The following ANKRD30A variants were observed in gnomAD, a reference collection of about 807,000 sequenced individuals.
The protein encoded by ANKRD30A is ankyrin repeat domain 30A.
In ANKRD30A, 170 loss-of-function variants were observed where a neutral mutation model predicts 166.3. The ratio of observed to expected loss-of-function variants is 1.02; its 90% CI spans 0.90 to 1.16. The LOEUF (loss-of-function observed/expected upper bound fraction) is 1.16. Among genes scored for constraint, ANKRD30A ranks in the 50% most tolerant of loss-of-function variants. The pLI is 0.00. For missense variants in ANKRD30A, 1,630 were observed against 1,518.0 expected, an observed-to-expected ratio of 1.07 and a Z score of -1.23; for synonymous variants, 564 against 508.9, an observed-to-expected ratio of 1.11 and a Z score of -1.46.
chr10:37,136,569 TA>T (rs977645143), intron 5 of ANKRD30A, 37 bp from the exon 6 acceptor site: 2 of 1,007,910 alleles, frequency 2.0e-6, no homozygotes, highest in African/African-American at 3.3e-5. Flanking sequence ...AAGTCAGTGT[TA>T]AAATGGTAAT....
chr10:37,229,608 G>A (rs1198935968), intron 34 of ANKRD30A, among the ~76,000 whole-genome samples: 1 of 151,780 alleles, frequency 6.6e-6, no homozygotes, highest in Non-Finnish European at 1.5e-5. Flanking sequence ...CTCCTATCTA[G>A]TTATTAGCTA....
Position 37,149,862 on chromosome 10 carries a change from A to G in ANKRD30A, c.1645+13A>G, listed in dbSNP as rs1837788043. On this transcript the variant is annotated intron_variant, in intron 11 of 35. Coordinates refer to ENST00000361713, the MANE Select transcript of ANKRD30A (RefSeq NM_052997.3). ...ACATTGAGAGCAGGTAAATTTTTCA[A>G]TTTAACTATGCAAAGACGAATATTT... 2 of 1,612,258 alleles carry G rather than the reference A, an allele frequency of 1.2e-6. No homozygotes were observed. The highest frequency in any genetic ancestry group is 1.1e-5 in the South Asian group (1 of 90,970).
In ANKRD30A at chr10:37,165,004, A is replaced by G. The variant is rs139365145; in HGVS notation, c.2003-90A>G. 7.8e-3 allele frequency: 10,518 copies of G among 1,349,666 alleles called. 67 individuals are homozygous for G. Among genetic ancestry groups the G allele is most frequent in the Middle Eastern group, 0.011 (57 of 5,352 alleles). The allele number at this position is 1,349,666 out of a possible 1,614,324, so 83.6% of individuals were successfully genotyped here. A position where few individuals can be genotyped will look rare whatever the true frequency, so the allele number is the denominator to read the frequency against. On this transcript the variant is annotated intron_variant, in intron 17 of 35. Coordinates refer to ENST00000361713, the MANE Select transcript of ANKRD30A (RefSeq NM_052997.3). ...ATGGGCCACAGAGGAAAATCCACAG[A>G]TTCGTGAATGAAAGTAGATTTGTAT...
intron 6 of ANKRD30A, among the ~76,000 whole-genome samples, chr10:37,140,889 A>G (rs1292589733): frequency 6.6e-6 from 1 of 152,164 alleles, no homozygotes; most frequent in Non-Finnish European, 1.5e-5. Flanking sequence ...TAGAATACAT[A>G]TAGTTTGGGT....
chr10:37,162,121 A>C (rs956463589), intron 15 of ANKRD30A, among the ~76,000 whole-genome samples: 13 of 152,300 alleles, frequency 8.5e-5, no homozygotes, highest in African/African-American at 3.1e-4. Flanking sequence ...ATATAGGCAT[A>C]TGATTACACC....
intron 35 of ANKRD30A, 75 bp from the exon 36 acceptor site, chr10:37,232,424 C>CTT (rs1843453133): frequency 6.6e-6 from 1 of 150,878 alleles, no homozygotes; most frequent in African/African-American, 2.4e-5. Context: ...TTATTGATGA[C>CTT]TAATACGGCG....
chr10:37,167,139 A>G (rs1181905641), intron 19 of ANKRD30A, among the ~76,000 whole-genome samples: 2 of 151,804 alleles, frequency 1.3e-5, no homozygotes, highest in Non-Finnish European at 2.9e-5. Context: ...AGGAAAATGG[A>G]GTGAGCTCAC....
At chr10:37,202,785 A>G (rs1184507411) in intron 31 of ANKRD30A, among the ~76,000 whole-genome samples, 1 of 152,192 alleles carries the variant, frequency 6.6e-6, no homozygotes, top group East Asian at 1.9e-4. Flanking sequence ...AATAGACACA[A>G]TAAAAAATGA....
At chr10:37,128,024 T>C (rs1836156750) in intron 1 of ANKRD30A, among the ~76,000 whole-genome samples, 1 of 152,044 alleles carries the variant, frequency 6.6e-6, no homozygotes, top group Non-Finnish European at 1.5e-5. Flanking sequence ...TTCAGTGAGT[T>C]TACAGCATGG....
the ANKRD30A span, among the ~76,000 whole-genome samples, chr10:37,244,338 GTAGACACATCAGTTAATCTCA>G: frequency 6.6e-6 from 1 of 152,236 alleles, no homozygotes; most frequent in East Asian, 1.9e-4. Context: ...CTGGCACCAC[GTAGACACATCAGTTAATCTCA>G]TGTACAGAAC....
intron 6 of ANKRD30A, among the ~76,000 whole-genome samples, chr10:37,137,115 A>T (rs1477558124): frequency 6.6e-6 from 1 of 151,964 alleles, no homozygotes; most frequent in Non-Finnish European, 1.5e-5. Flanking sequence ...TGATCAGGTT[A>T]TCCAATTTAA....
At chr10:37,221,654 T>A (rs2132749709) in intron 34 of ANKRD30A, among the ~76,000 whole-genome samples, 1 of 151,502 alleles carries the variant, frequency 6.6e-6, no homozygotes, top group African/African-American at 2.4e-5. Flanking sequence ...CATTCTGTAA[T>A]GTTTTTCTTA....
At chr10:37,208,308 G>A (rs1312241695) in intron 31 of ANKRD30A, among the ~76,000 whole-genome samples, 1 of 152,164 alleles carries the variant, frequency 6.6e-6, no homozygotes, top group African/African-American at 2.4e-5. Context: ...GCTTGTCAGT[G>A]TAGTTTTGCT....
Position 37,163,912 on chromosome 10 carries a change from T to G in ANKRD30A, c.2002+1064T>G, listed in dbSNP as rs1441209510. Among the ~76,000 whole-genome samples, 4 of 122,578 alleles carry G rather than the reference T, an allele frequency of 3.3e-5. 1 individual carries two copies. Among genetic ancestry groups the G allele is most frequent in the African/African-American group, 1.2e-4 (4 of 32,866 alleles). 80.4% of individuals were successfully genotyped at this position (122,578 alleles called of 152,430 possible). On this transcript the variant is annotated intron_variant, in intron 17 of 35. Coordinates refer to ENST00000361713, the MANE Select transcript of ANKRD30A (RefSeq NM_052997.3). Reference sequence around the variant, plus strand: ...GTAACATATTTAAAGTATTTCCTTGTGCAATCATAGACTCCACTAAGAATT... The same window carrying G: ...GTAACATATTTAAAGTATTTCCTTGGGCAATCATAGACTCCACTAAGAATT...
At chr10:37,239,160 T>C in the ANKRD30A span, among the ~76,000 whole-genome samples, 1 of 152,128 alleles carries the variant, frequency 6.6e-6, no homozygotes, top group South Asian at 2.1e-4. Context: ...CATTTCATAA[T>C]TAAGTAGAAA....
intron 25 of ANKRD30A, among the ~76,000 whole-genome samples, chr10:37,191,371 A>C (rs149027605): frequency 0.011 from 1,719 of 152,168 alleles, 33 homozygotes; most frequent in African/African-American, 0.039. Flanking sequence ...TTCTACATTC[A>C]GCTGAACTCT....
the ANKRD30A span, among the ~76,000 whole-genome samples, chr10:37,260,996 C>A: frequency 1.1e-5 from 1 of 95,020 alleles, no homozygotes; most frequent in Non-Finnish European, 2.1e-5. Context: ...TAACATTCCA[C>A]AATATCTTTT....
At chr10:37,253,408 T>C in the ANKRD30A span, among the ~76,000 whole-genome samples, 1 of 152,206 alleles carries the variant, frequency 6.6e-6, no homozygotes, top group East Asian at 1.9e-4. Flanking sequence ...AACATATTCA[T>C]AGAATTGTAC....
chr10:37,212,915 A>C (rs1222131600), intron 31 of ANKRD30A, among the ~76,000 whole-genome samples: 6 of 151,772 alleles, frequency 4.0e-5, no homozygotes, highest in African/African-American at 1.5e-4. Context: ...CTAAGTTGTC[A>C]TGTTTATTCA....
Sources: gnomAD v4.1 joint callset for allele counts (sites outside exome capture counted in the v4.1 genomes callset) on GRCh38, gnomAD v4.1.1 for gene constraint, MANE v1.5 for transcripts, NCBI Gene and HGNC (gene_info 2026-07-23, HGNC 2026-07-21) for gene names.